KCNH5: variants seen among roughly 807,000 people sequenced by gnomAD.
The protein encoded by KCNH5 is potassium voltage-gated channel subfamily H member 5, also known as voltage-gated delayed rectifier potassium channel KCNH5.
Under a neutral mutation model 96.1 loss-of-function variants are expected in KCNH5, and 46 were observed. That is an observed-to-expected ratio of 0.48 (90% CI 0.38 to 0.61). The LOEUF (loss-of-function observed/expected upper bound fraction) is 0.61. Among genes scored for constraint, KCNH5 ranks in the 20% least tolerant of loss-of-function variants. The probability of loss-of-function intolerance (pLI) is 0.00; values close to 1 mark genes in which losing one functional copy is unlikely to be tolerated. For synonymous variants in KCNH5, 439 were observed against 449.8 expected (o/e 0.98, Z 0.30); for missense variants, 907 against 1,225.8 (o/e 0.74, Z 3.88).
At position 62,849,959 on chromosome 14, in the gene KCNH5, C is replaced by A. The variant is rs10873163; in HGVS notation, c.1370-107G>T. The A allele has an allele frequency of 0.11, 101,745 of 891,038 alleles. 8,126 individuals are homozygous for A. Among genetic ancestry groups the A allele is most frequent in the East Asian group, 0.36 (13,717 of 37,660 alleles). The allele number at this position is 891,038 out of a possible 1,614,324, so 55.2% of individuals were successfully genotyped here. On this transcript the variant is annotated intron_variant, in intron 7 of 10. Transcript: ENST00000322893. ...TGACAGAGACATCCTTATAAACTTGCAGGGGTAAATACATGTTGAACTCTG... is the reference window on the plus strand; with the variant it reads ...TGACAGAGACATCCTTATAAACTTGAAGGGGTAAATACATGTTGAACTCTG...
intron 1 of KCNH5, among the ~76,000 whole-genome samples, chr14:63,022,674 T>C (rs1318737308): frequency 6.6e-6 from 1 of 152,086 alleles, no homozygotes; most frequent in Non-Finnish European, 1.5e-5. Flanking sequence ...AGCCAAGTTC[T>C]CTCCCAGCAT....
intron 10 of KCNH5, among the ~76,000 whole-genome samples, chr14:62,762,510 AC>A (rs1434951085): frequency 7.2e-5 from 11 of 152,276 alleles, no homozygotes; most frequent in African/African-American, 2.6e-4. Context: ...ACACTCCACC[AC>A]AACGTCACCC....
At chr14:62,770,966 T>C (rs1467148102) in intron 10 of KCNH5, among the ~76,000 whole-genome samples, 2 of 152,120 alleles carry the variant, frequency 1.3e-5, no homozygotes, top group African/African-American at 4.8e-5. Context: ...GTAATCAAGG[T>C]TACGTGAGGT....
intron 9 of KCNH5, among the ~76,000 whole-genome samples, chr14:62,796,877 G>C (rs1045812194): frequency 6.6e-6 from 1 of 152,170 alleles, no homozygotes; most frequent in African/African-American, 2.4e-5. Context: ...CAGAGAGGGA[G>C]CTTTCAGGTC....
At chr14:62,857,352 G>A (rs1489073411) in intron 7 of KCNH5, among the ~76,000 whole-genome samples, 1 of 152,030 alleles carries the variant, frequency 6.6e-6, no homozygotes, top group African/African-American at 2.4e-5. Context: ...GTATTCAGAT[G>A]GCTTGATCTC....
intron 7 of KCNH5, among the ~76,000 whole-genome samples, chr14:62,878,068 C>T (rs1888413230): frequency 6.6e-6 from 1 of 151,220 alleles, no homozygotes; most frequent in Non-Finnish European, 1.5e-5. Context: ...AATTGGAAAT[C>T]ATCATTCTCA....
At position 63,011,333 on chromosome 14, in the gene KCNH5, C is replaced by T. The variant is rs144021537; in HGVS notation, c.198-4861G>A. ...ATCTACACTAAAAATACAAAATTAG[C>T]TAGGCATGGTGGCGGGTGCATGTAA... is the stretch of plus-strand genomic sequence containing the variant. On this transcript the variant is annotated intron_variant, in intron 2 of 10. Coordinates refer to ENST00000322893, the MANE Select transcript of KCNH5 (RefSeq NM_139318.5). Among the ~76,000 whole-genome samples, 603 of 152,096 alleles carry T rather than the reference C, an allele frequency of 4.0e-3. 8 individuals are homozygous for T. Among genetic ancestry groups the T allele is most frequent in the African/African-American group, 0.014 (573 of 41,488 alleles).
At chr14:62,956,723 C>A (rs747191087) in intron 6 of KCNH5, among the ~76,000 whole-genome samples, 1 of 151,958 alleles carries the variant, frequency 6.6e-6, no homozygotes, top group Non-Finnish European at 1.5e-5. Flanking sequence ...TAGATTGGGC[C>A]ACGAATTGCA....
chr14:62,843,502 C>T (rs545259363), intron 8 of KCNH5, among the ~76,000 whole-genome samples: 2 of 151,192 alleles, frequency 1.3e-5, no homozygotes, highest in South Asian at 2.1e-4. Flanking sequence ...GCCTCCTCCT[C>T]CCGGGTTCAA....
chr14:62,797,471 G>A (rs753705932), intron 9 of KCNH5, among the ~76,000 whole-genome samples: 4 of 152,096 alleles, frequency 2.6e-5, no homozygotes, highest in Non-Finnish European at 4.4e-5. Context: ...GGGTGCAAAA[G>A]AAAATGATTT....
Position 62,841,296 on chromosome 14 carries a change from GA to G in KCNH5, c.1569+8356del, listed in dbSNP as rs553947028. 3.2e-4 allele frequency among the ~76,000 whole-genome samples: 49 copies of G among 152,216 alleles called. 1 individual carries two copies. The highest frequency in any genetic ancestry group is 4.1e-4 in the South Asian group (2 of 4,826). Reference sequence around the variant, plus strand: ...TAATTCTACTTTTACCTTAAAAACTGAAAAAGTCTCGGAAGCATTATGGTCT... The same window carrying G: ...TAATTCTACTTTTACCTTAAAAACTGAAAAGTCTCGGAAGCATTATGGTCT... On this transcript the variant is annotated intron_variant, in intron 8 of 10. Transcript: ENST00000322893.
At chr14:62,979,561 TAAC>T (rs1333596934) in intron 6 of KCNH5, among the ~76,000 whole-genome samples, 3 of 152,010 alleles carry the variant, frequency 2.0e-5, no homozygotes, top group Non-Finnish European at 4.4e-5. Flanking sequence ...ATAATAATAA[TAAC>T]AACAGAGTAA....
At position 62,993,296 on chromosome 14, in the gene KCNH5, G is replaced by T. The variant is rs564280434; in HGVS notation, c.434-6109C>A. On this transcript the variant is annotated intron_variant, in intron 4 of 10. Transcript: ENST00000322893. ...TTGCTTAAGACTACTTTGGCTATTT[G>T]GGGTTTTTTTAGTTCCATATGAATT... is the stretch of plus-strand genomic sequence containing the variant. Among the ~76,000 whole-genome samples the T allele has an allele frequency of 4.6e-5, 7 of 151,966 alleles. No individual in the cohort carries two copies. The South Asian group carries it at 1.5e-3, about 32-fold the overall frequency.
chr14:62,818,189 C>T (rs916220745), intron 8 of KCNH5, among the ~76,000 whole-genome samples: 1 of 149,774 alleles, frequency 6.7e-6, no homozygotes, highest in East Asian at 2.0e-4. Flanking sequence ...GTTCTAGAGA[C>T]CTAATGTGCA....
chr14:62,855,731 T>C (rs1887914392), intron 7 of KCNH5, among the ~76,000 whole-genome samples: 1 of 152,104 alleles, frequency 6.6e-6, no homozygotes, highest in Admixed American at 6.5e-5. Context: ...AATGGAAAAA[T>C]GCCTTTTTAT....
chr14:62,802,301 GCTA>G lies in KCNH5; in HGVS notation c.1822+25_1822+27del, dbSNP rs763408010. ...TATCTAAAACTGTTACTACGCATTT[GCTA>G]CTACATTAGGAAAGTTCACAGTACC... is the stretch of plus-strand genomic sequence containing the variant. On this transcript the variant is annotated intron_variant, in intron 9 of 10. Coordinates refer to ENST00000322893, the MANE Select transcript of KCNH5 (RefSeq NM_139318.5). The G allele has an allele frequency of 6.8e-5, 108 of 1,599,986 alleles. No homozygotes were observed. The East Asian group carries it at 2.4e-3, about 35-fold the overall frequency.
In KCNH5 at chr14:63,016,892, C is replaced by G; in HGVS notation, c.136G>C (p.Gly46Arg). 1 of 1,610,460 alleles carries G rather than the reference C, an allele frequency of 6.2e-7. No homozygotes were observed. The highest frequency in any genetic ancestry group is 8.5e-7 in the Non-Finnish European group (1 of 1,178,012). ...VDWPVVYSND[G>R]FCKLSGYHRA... ...TGATATCCAGAGAGTTTACAAAAAC[C>G]GTCATTACTATAAACTACAGGCCAA... The change falls in exon 2 of 11, where the codon GGT (glycine) becomes CGT (arginine). Residue 46 changes from glycine (G) to arginine (R), a missense_variant. Transcript: ENST00000322893.
intron 6 of KCNH5, among the ~76,000 whole-genome samples, chr14:62,968,332 G>A (rs1195795850): frequency 6.6e-6 from 1 of 152,184 alleles, no homozygotes; most frequent in Non-Finnish European, 1.5e-5. Flanking sequence ...AAAGTAGAAA[G>A]TAGATATCTG....
chr14:63,030,081 C>T (rs1202403391), intron 1 of KCNH5, among the ~76,000 whole-genome samples: 1 of 152,130 alleles, frequency 6.6e-6, no homozygotes, highest in Non-Finnish European at 1.5e-5. Flanking sequence ...GTGACCATCA[C>T]CCATTCTTAT....
Sources: gnomAD v4.1 joint callset for allele counts (sites outside exome capture counted in the v4.1 genomes callset) on GRCh38, gnomAD v4.1.1 for gene constraint, MANE v1.5 for transcripts, NCBI Gene and HGNC (gene_info 2026-07-23, HGNC 2026-07-21) for gene names.